The following MAF variants were observed in gnomAD, a reference collection of about 807,000 sequenced individuals.
The protein encoded by MAF is MAF bZIP transcription factor, also known as transcription factor Maf.
In MAF, 10 loss-of-function variants were observed where a neutral mutation model predicts 22.0. The observed-to-expected ratio is 0.45, with a 90% CI of 0.28 to 0.77. MAF has a LOEUF of 0.77. Ranked by LOEUF, MAF falls within the 30% of genes least tolerant of loss-of-function variation. The pLI is 0.12. For missense variants in MAF, 544 were observed against 548.4 expected, an observed-to-expected ratio of 0.99 and a Z score of 0.08; for synonymous variants, 337 against 255.8, an observed-to-expected ratio of 1.32 and a Z score of -3.03.
the MAF span, chr16:79,211,975 G>C: frequency 2.6e-6 from 4 of 1,526,006 alleles, no homozygotes; most frequent in East Asian, 4.9e-5. Context: ...GGAATTCCTG[G>C]GGTAAAGTAT....
chr16:79,354,100 AC>A, the MAF span, among the ~76,000 whole-genome samples: 9 of 151,662 alleles, frequency 5.9e-5, no homozygotes, highest in Non-Finnish European at 1.3e-4. Context: ...GGCTCAAGTA[AC>A]CCCCCAGTTC....
At chr16:79,299,028 G>C in the MAF span, among the ~76,000 whole-genome samples, 2 of 152,256 alleles carry the variant, frequency 1.3e-5, no homozygotes, top group Admixed American at 1.3e-4. Flanking sequence ...TGGGCACCTT[G>C]TGGTGCTGAT....
At chr16:79,442,592 C>T in the MAF span, among the ~76,000 whole-genome samples, 2 of 151,850 alleles carry the variant, frequency 1.3e-5, no homozygotes, top group African/African-American at 4.8e-5. Flanking sequence ...CCTAGGCTGA[C>T]ATACAGTGGT....
the MAF span, among the ~76,000 whole-genome samples, chr16:79,407,003 G>T: frequency 6.6e-6 from 1 of 152,100 alleles, no homozygotes; most frequent in Non-Finnish European, 1.5e-5. Flanking sequence ...CTGCCGGCGC[G>T]TCACACCCAG....
At chr16:79,520,642 G>C in the MAF span, among the ~76,000 whole-genome samples, 2 of 152,202 alleles carry the variant, frequency 1.3e-5, no homozygotes, top group East Asian at 3.8e-4. Context: ...GGCAGTGCTA[G>C]AGAGACAGAG....
the MAF span, among the ~76,000 whole-genome samples, chr16:79,417,967 C>A: frequency 2.6e-5 from 4 of 152,090 alleles, no homozygotes; most frequent in African/African-American, 9.7e-5. Context: ...CCCCGACTGG[C>A]CTATGTGTGA....
At chr16:79,486,355 T>C in the MAF span, among the ~76,000 whole-genome samples, 1 of 152,226 alleles carries the variant, frequency 6.6e-6, no homozygotes, top group African/African-American at 2.4e-5. Flanking sequence ...GTTTTGAAAG[T>C]GATCTTAGAT....
the MAF span, among the ~76,000 whole-genome samples, chr16:79,285,021 C>G: frequency 2.6e-5 from 4 of 152,196 alleles, no homozygotes; most frequent in East Asian, 7.7e-4. Context: ...AATTTGCCAA[C>G]CAAACTCAGT....
the MAF span, among the ~76,000 whole-genome samples, chr16:79,251,349 CTT>C: frequency 8.4e-6 from 1 of 119,004 alleles, no homozygotes; most frequent in Admixed American, 9.0e-5. Flanking sequence ...GAGTTTTGCT[CTT>C]GTCACCCAGG....
At chr16:79,441,201 A>G in the MAF span, among the ~76,000 whole-genome samples, 21 of 152,336 alleles carry the variant, frequency 1.4e-4, no homozygotes, top group African/African-American at 4.3e-4. Flanking sequence ...TGAATTATCC[A>G]TTACAAATTG....
the MAF span, among the ~76,000 whole-genome samples, chr16:79,386,369 A>C: frequency 7.2e-5 from 11 of 152,218 alleles, no homozygotes; most frequent in African/African-American, 2.7e-4. Flanking sequence ...CATAAGGAAC[A>C]TGTAACCCAG....
the MAF span, among the ~76,000 whole-genome samples, chr16:79,434,984 TC>T: frequency 9.2e-5 from 14 of 152,110 alleles, no homozygotes; most frequent in Non-Finnish European, 1.5e-5. Flanking sequence ...TGGGCCCAGA[TC>T]CGGCTGCTTA....
the MAF span, among the ~76,000 whole-genome samples, chr16:79,545,895 T>A: frequency 6.6e-6 from 1 of 152,148 alleles, no homozygotes; most frequent in Non-Finnish European, 1.5e-5. Flanking sequence ...TTTTAAGTGT[T>A]TTCACTACCA....
chr16:79,263,228 A>G, the MAF span, among the ~76,000 whole-genome samples: 1 of 152,218 alleles, frequency 6.6e-6, no homozygotes, highest in Non-Finnish European at 1.5e-5. Context: ...CATTGCATCC[A>G]AGAGTTTTGG....
chr16:79,346,570 C>T, the MAF span, among the ~76,000 whole-genome samples: 3 of 152,172 alleles, frequency 2.0e-5, no homozygotes, highest in Non-Finnish European at 4.4e-5. Flanking sequence ...AGTCTTCAAC[C>T]TCAAGGATAG....
chr16:79,224,937 C>G, the MAF span, among the ~76,000 whole-genome samples: 1 of 152,120 alleles, frequency 6.6e-6, no homozygotes, highest in Non-Finnish European at 1.5e-5. Context: ...GCCATACTGC[C>G]CAAAGCAATT....
chr16:79,597,369 T>A (rs1221811860), intron 1 of MAF: 1 of 1,036,892 alleles, frequency 9.6e-7, no homozygotes, highest in Non-Finnish European at 1.2e-6. Context: ...AAATATAAAA[T>A]AAAAATAAAA....
chr16:79,210,907 A>C, the MAF span, among the ~76,000 whole-genome samples: 1 of 152,188 alleles, frequency 6.6e-6, no homozygotes, highest in Non-Finnish European at 1.5e-5. Flanking sequence ...CTGGGAGGAA[A>C]TGTACCCCCT....
At chr16:79,594,805 C>A (rs186417451) in intron 1 of MAF, 76 of 1,282,236 alleles carry the variant, frequency 5.9e-5, no homozygotes, top group Admixed American at 7.0e-5. Flanking sequence ...TAGGAGTTAA[C>A]CTTCTCTTAC....
Sources: gnomAD v4.1 joint callset for allele counts (sites outside exome capture counted in the v4.1 genomes callset) on GRCh38, gnomAD v4.1.1 for gene constraint, MANE v1.5 for transcripts, NCBI Gene and HGNC (gene_info 2026-07-23, HGNC 2026-07-21) for gene names.